Variants in GRM8 observed in about 807,000 individuals in gnomAD.
The protein encoded by GRM8 is glutamate metabotropic receptor 8.
In GRM8, 47 loss-of-function variants were observed where a neutral mutation model predicts 87.2. The observed-to-expected ratio is 0.54, with a 90% confidence interval of 0.43 to 0.69. The LOEUF (loss-of-function observed/expected upper bound fraction) is 0.69, where lower values mean the gene tolerates loss of function less well. Ranked by LOEUF, GRM8 falls within the 30% of genes least tolerant of loss-of-function variation. The pLI, the probability that GRM8 is intolerant of heterozygous loss-of-function variation, is 0.00. For missense variants in GRM8, 1,019 were observed against 1,139.2 expected (o/e 0.89, Z 1.52); for synonymous variants, 396 against 404.5 (o/e 0.98, Z 0.25).
intron 6 of GRM8, among the ~76,000 whole-genome samples, chr7:126,849,004 G>T (rs944798157): frequency 2.0e-5 from 3 of 151,994 alleles, no homozygotes; most frequent in African/African-American, 7.3e-5. Flanking sequence ...ACTTGTGCAG[G>T]GAAACTCCCC....
At chr7:126,766,475 G>T (rs1818204487) in intron 7 of GRM8, among the ~76,000 whole-genome samples, 1 of 151,826 alleles carries the variant, frequency 6.6e-6, no homozygotes, top group Non-Finnish European at 1.5e-5. Flanking sequence ...ATTTTAAATG[G>T]GCATTACTAA....
chr7:126,471,186 T>C (rs1325288943), intron 9 of GRM8, among the ~76,000 whole-genome samples: 93 of 152,164 alleles, frequency 6.1e-4, no homozygotes, highest in Middle Eastern at 6.8e-3. Context: ...CAGAAGCTCT[T>C]TAGTTTAATT....
At chr7:126,942,402 C>T (rs550827742) in intron 3 of GRM8, among the ~76,000 whole-genome samples, 2 of 152,216 alleles carry the variant, frequency 1.3e-5, no homozygotes, top group African/African-American at 4.8e-5. Flanking sequence ...GCCCATATTG[C>T]CAATAATTCA....
intron 3 of GRM8, among the ~76,000 whole-genome samples, chr7:126,990,577 G>A (rs17866340): frequency 0.026 from 3,900 of 152,268 alleles, 156 homozygotes; most frequent in African/African-American, 0.089. Flanking sequence ...GATTGTTGAC[G>A]TTACCGTTAC....
At chr7:126,602,798 C>T (rs1163401238) in intron 8 of GRM8, among the ~76,000 whole-genome samples, 1 of 149,880 alleles carries the variant, frequency 6.7e-6, no homozygotes, top group African/African-American at 2.4e-5. Context: ...CTGAATTCTA[C>T]CAGAGGTACA....
At chr7:126,618,855 A>G (rs1279155899) in intron 7 of GRM8, among the ~76,000 whole-genome samples, 1 of 152,240 alleles carries the variant, frequency 6.6e-6, no homozygotes, top group East Asian at 1.9e-4. Flanking sequence ...AATGGCGATC[A>G]TTAAAAAGTC....
chr7:126,852,328 T>C (rs1797288282), intron 6 of GRM8, among the ~76,000 whole-genome samples: 1 of 152,150 alleles, frequency 6.6e-6, no homozygotes, highest in African/African-American at 2.4e-5. Context: ...TTTCCTTTCT[T>C]AGATATCATT....
intron 7 of GRM8, among the ~76,000 whole-genome samples, chr7:126,737,472 C>A (rs1814365483): frequency 6.6e-6 from 1 of 151,986 alleles, no homozygotes; most frequent in South Asian, 2.1e-4. Context: ...CTCCAGTCTC[C>A]CGCACAGCCA....
chr7:127,032,438 C>A (rs1044837014), intron 3 of GRM8, among the ~76,000 whole-genome samples: 2 of 152,142 alleles, frequency 1.3e-5, no homozygotes, highest in African/African-American at 4.8e-5. Flanking sequence ...TCCGTCCACA[C>A]CCCCATCAGG....
intron 7 of GRM8, among the ~76,000 whole-genome samples, chr7:126,713,709 G>A (rs948200229): frequency 2.0e-5 from 3 of 151,838 alleles, no homozygotes; most frequent in African/African-American, 7.3e-5. Flanking sequence ...CTAGTGGGTG[G>A]GGAAAATGAG....
intron 6 of GRM8, among the ~76,000 whole-genome samples, chr7:126,778,937 C>T (rs75946440): frequency 0.034 from 5,196 of 152,020 alleles, 301 homozygotes; most frequent in African/African-American, 0.11. Context: ...TATTAGCCTC[C>T]CAGCTTAATG....
In GRM8 at chr7:127,037,631, A is replaced by G. The variant is rs191205603; in HGVS notation, c.727+68865T>C. On this transcript the variant is annotated intron_variant, in intron 3 of 10. Transcript: ENST00000339582. ...AAACCCCAAAGTTTTGCTGTCTCACAATTTCAAAGGAGGATAGAGGGAGCA... is the reference window on the plus strand; with the variant it reads ...AAACCCCAAAGTTTTGCTGTCTCACGATTTCAAAGGAGGATAGAGGGAGCA... Among the ~76,000 whole-genome samples, 9 of 152,300 alleles carry G rather than the reference A, an allele frequency of 5.9e-5. No homozygotes were observed. In the East Asian group the frequency reaches 9.6e-4, roughly 16 times the overall value.
chr7:126,944,815 A>G (rs1322566263), intron 3 of GRM8, among the ~76,000 whole-genome samples: 9 of 152,244 alleles, frequency 5.9e-5, no homozygotes, highest in Non-Finnish European at 7.3e-5. Context: ...AAAAATGAAC[A>G]AAGGATATAT....
At chr7:126,663,937 A>C (rs1483320707) in intron 7 of GRM8, among the ~76,000 whole-genome samples, 3 of 152,358 alleles carry the variant, frequency 2.0e-5, no homozygotes, top group African/African-American at 7.2e-5. Context: ...AAATGACTTT[A>C]GTAAAGTGTC....
intron 8 of GRM8, among the ~76,000 whole-genome samples, chr7:126,563,906 C>T (rs190478201): frequency 6.6e-6 from 1 of 152,166 alleles, no homozygotes; most frequent in East Asian, 1.9e-4. Flanking sequence ...AAGTGCTTAT[C>T]GCTAGAAATT....
At chr7:126,588,902 C>A (rs1796413005) in intron 8 of GRM8, among the ~76,000 whole-genome samples, 1 of 152,078 alleles carries the variant, frequency 6.6e-6, no homozygotes, top group African/African-American at 2.4e-5. Flanking sequence ...CTACCTAGAA[C>A]TGAGACAATT....
chr7:127,111,543 G>A (rs1826351048), intron 2 of GRM8, among the ~76,000 whole-genome samples: 1 of 152,104 alleles, frequency 6.6e-6, no homozygotes, highest in South Asian at 2.1e-4. Context: ...GCTAGAATTT[G>A]GACATAATGC....
At chr7:126,522,122 T>C (rs1813069388) in intron 9 of GRM8, among the ~76,000 whole-genome samples, 1 of 152,178 alleles carries the variant, frequency 6.6e-6, no homozygotes, top group Non-Finnish European at 1.5e-5. Flanking sequence ...GTAGAAACCT[T>C]GTAGCAGCCC....
chr7:126,632,596 A>G (rs1187552150), intron 7 of GRM8, among the ~76,000 whole-genome samples: 2 of 152,182 alleles, frequency 1.3e-5, no homozygotes, highest in Non-Finnish European at 2.9e-5. Context: ...TGTTCACTGC[A>G]ACACTATTCA....
Sources: allele counts gnomAD v4.1 joint callset (sites outside exome capture counted in the v4.1 genomes callset), GRCh38; gene constraint gnomAD v4.1.1; transcripts MANE v1.5; gene names NCBI Gene and HGNC (gene_info 2026-07-23, HGNC 2026-07-21).